The following SPEF2 variants were observed in gnomAD, a reference collection of about 807,000 sequenced individuals.
The protein encoded by SPEF2 is sperm flagella and cilia-associated protein 2.
Under a neutral mutation model 224.6 loss-of-function variants are expected in SPEF2, and 187 were observed. The observed-to-expected ratio is 0.83, with a 90% CI of 0.74 to 0.94. The LOEUF is 0.94. Ranked by LOEUF, SPEF2 falls within the 40% of genes least tolerant of loss-of-function variation. The probability of loss-of-function intolerance (pLI) is 0.00; values close to 1 mark genes in which losing one functional copy is unlikely to be tolerated. For synonymous variants in SPEF2, 715 were observed against 707.3 expected (o/e 1.01, Z -0.17); for missense variants, 2,170 against 2,135.6 (o/e 1.02, Z -0.32).
At chr5:35,651,245 C>T (rs973641437) in intron 6 of SPEF2, among the ~76,000 whole-genome samples, 2 of 152,194 alleles carry the variant, frequency 1.3e-5, no homozygotes, top group Admixed American at 6.5e-5. Flanking sequence ...ACTGGACACA[C>T]TGTTTCCCTG....
intron 28 of SPEF2, 139 bp downstream of exon 28, chr5:35,774,160 A>G: frequency 1.7e-6 from 2 of 1,207,848 alleles, no homozygotes; most frequent in South Asian, 3.2e-5. Context: ...CACAATATTC[A>G]GTTGACTGTT....
intron 23 of SPEF2, among the ~76,000 whole-genome samples, chr5:35,744,108 T>A (rs1387991862): frequency 6.6e-6 from 1 of 152,248 alleles, no homozygotes; most frequent in Non-Finnish European, 1.5e-5. Flanking sequence ...TTGTATGTGG[T>A]CATATAAGTT....
At chr5:35,805,499 G>A (rs1458716380) in intron 34 of SPEF2, among the ~76,000 whole-genome samples, 1 of 152,096 alleles carries the variant, frequency 6.6e-6, no homozygotes. Flanking sequence ...TCCTAAATTA[G>A]CATTTTTTTT....
At chr5:35,665,067 A>G (rs1052186786) in intron 8 of SPEF2, among the ~76,000 whole-genome samples, 9 of 152,286 alleles carry the variant, frequency 5.9e-5, no homozygotes, top group Middle Eastern at 3.4e-3. Flanking sequence ...ACTTTGAGTC[A>G]AGCATTGTAC....
chr5:35,782,292 A>G (rs1388771955), intron 30 of SPEF2, among the ~76,000 whole-genome samples: 1 of 152,238 alleles, frequency 6.6e-6, no homozygotes, highest in African/African-American at 2.4e-5. Flanking sequence ...TGTGTGTTTC[A>G]AATGTGTGAT....
chr5:35,634,268 G>A (rs1030572559), intron 2 of SPEF2, among the ~76,000 whole-genome samples: 2 of 151,952 alleles, frequency 1.3e-5, no homozygotes, highest in African/African-American at 4.8e-5. Flanking sequence ...ATTTTTACCA[G>A]TCATAGAATT....
At chr5:35,771,482 C>G in intron 26 of SPEF2, 127 bp from the exon 27 acceptor site, 1 of 1,221,526 alleles carries the variant, frequency 8.2e-7, no homozygotes, top group Non-Finnish European at 1.1e-6. Context: ...TTGTAAAGTT[C>G]GAGTACGTGG....
intron 7 of SPEF2, among the ~76,000 whole-genome samples, chr5:35,655,872 G>A (rs1027472005): frequency 6.6e-6 from 1 of 152,214 alleles, no homozygotes; most frequent in African/African-American, 2.4e-5. Flanking sequence ...AGACTTGCCT[G>A]TGGAAAGATC....
At chr5:35,696,580 C>T (rs1376075634) in intron 14 of SPEF2, among the ~76,000 whole-genome samples, 2 of 152,166 alleles carry the variant, frequency 1.3e-5, no homozygotes, top group East Asian at 3.8e-4. Context: ...CAAGAGCATA[C>T]ATTGTTTTGT....
chr5:35,758,193 G>C lies in SPEF2; in HGVS notation c.3469-1375G>C, dbSNP rs74500703. Reference sequence around the variant, plus strand: ...TATCTTTGAGTTTGGTGTAGATAAGGCTTTGAACATTAGGTCAATTTTGTT... The same window carrying C: ...TATCTTTGAGTTTGGTGTAGATAAGCCTTTGAACATTAGGTCAATTTTGTT... On this transcript the variant is annotated intron_variant, in intron 24 of 36. Coordinates refer to ENST00000356031, the MANE Select transcript of SPEF2 (RefSeq NM_024867.4). Among the ~76,000 whole-genome samples the C allele has an allele frequency of 3.9e-3, 588 of 152,184 alleles. 5 individuals carry two copies. The highest frequency in any genetic ancestry group is 4.3e-3 in the Non-Finnish European group (293 of 68,010).
chr5:35,646,666 G>C lies in SPEF2; in HGVS notation c.586-1G>C, dbSNP rs1233764118. ...TAAACTAATGTATATGGGATATTCA[G>C]CAATACTTAAACAGAAGACGACAAA... On this transcript the variant is annotated splice_acceptor_variant, in intron 4 of 36. Coordinates refer to ENST00000356031, the MANE Select transcript of SPEF2 (RefSeq NM_024867.4). LOFTEE classifies it high-confidence loss of function. The C allele has an allele frequency of 6.2e-7, 1 of 1,612,928 alleles. No homozygotes were observed. Among genetic ancestry groups the C allele is most frequent in the East Asian group, 2.2e-5 (1 of 44,778 alleles).
intron 2 of SPEF2, among the ~76,000 whole-genome samples, chr5:35,638,702 A>G (rs949768413): frequency 6.6e-6 from 1 of 152,186 alleles, no homozygotes; most frequent in Non-Finnish European, 1.5e-5. Flanking sequence ...TGCCTGCCAC[A>G]TGAAGGAGCC....
intron 34 of SPEF2, among the ~76,000 whole-genome samples, chr5:35,802,383 T>G (rs1757538171): frequency 6.6e-6 from 1 of 152,038 alleles, no homozygotes; most frequent in Non-Finnish European, 1.5e-5. Flanking sequence ...CCACAAACAT[T>G]TATTGAGCAC....
At chr5:35,796,345 C>T (rs10941264) in intron 33 of SPEF2, among the ~76,000 whole-genome samples, 48,058 of 151,980 alleles carry the variant, frequency 0.32, 7,698 homozygotes, top group African/African-American at 0.36. Flanking sequence ...CGGTGGCTCA[C>T]GCCTGTAATC....
intron 10 of SPEF2, 142 bp downstream of exon 10, chr5:35,670,369 G>A: frequency 7.2e-7 from 1 of 1,395,586 alleles, no homozygotes; most frequent in Non-Finnish European, 9.3e-7. Context: ...TAATTTGTAT[G>A]TTTGTACTAC....
At chr5:35,740,088 C>CA in intron 22 of SPEF2, 41 bp from the exon 23 acceptor site, 1 of 1,614,020 alleles carries the variant, frequency 6.2e-7, no homozygotes, top group Non-Finnish European at 8.5e-7. Context: ...AGTTTAGAGG[C>CA]ATGACATATA....
Position 35,812,619 on chromosome 5 carries a change from G to A in SPEF2, c.5380-1845G>A, listed in dbSNP as rs532990623. ...AAACTTAATAACTTTAGTTTCTTGT[G>A]ATGAACGCAGGCTCAATTATTATAC... On this transcript the variant is annotated intron_variant, in intron 36 of 36. Transcript: ENST00000356031. Among the ~76,000 whole-genome samples the A allele has an allele frequency of 8.5e-5, 13 of 152,266 alleles. 1 individual carries two copies. Among genetic ancestry groups the A allele is most frequent in the African/African-American group, 2.6e-4 (11 of 41,546 alleles).
rs560135369 is a variant in SPEF2 at position 35,637,426 on chromosome 5, T to A, written c.162-4005T>A. ...TACTTCCTGCTTAAGTACTTCTTAT[T>A]TTTGTTTGTCTGAAATGATAGGCCT... is the stretch of plus-strand genomic sequence containing the variant. On this transcript the variant is annotated intron_variant, in intron 2 of 36. Transcript: ENST00000356031. Among the ~76,000 whole-genome samples, 4 of 152,320 alleles carry A rather than the reference T, an allele frequency of 2.6e-5. No individual in the cohort carries two copies. In the South Asian group the frequency reaches 6.2e-4, roughly 24 times the overall value.
At chr5:35,785,730 T>C (rs10077553) in intron 30 of SPEF2, among the ~76,000 whole-genome samples, 3,928 of 135,470 alleles carry the variant, frequency 0.029, 183 homozygotes, top group African/African-American at 0.12. Flanking sequence ...TCTCTTTTCT[T>C]TTTTTTTTTT....
Sources: gnomAD v4.1 joint callset for allele counts (sites outside exome capture counted in the v4.1 genomes callset) on GRCh38, gnomAD v4.1.1 for gene constraint, MANE v1.5 for transcripts, NCBI Gene and HGNC (gene_info 2026-07-23, HGNC 2026-07-21) for gene names.